The following EXOC4 variants were observed in gnomAD, a reference collection of about 807,000 sequenced individuals.
EXOC4 encodes the protein SEC8-like 1.
EXOC4 carries 71 observed loss-of-function variants against 107.2 expected under a neutral mutation model. The ratio of observed to expected loss-of-function variants is 0.66; its 90% confidence interval spans 0.55 to 0.81. EXOC4 has a LOEUF of 0.81. EXOC4 is among the 30% of genes least tolerant of loss of function. EXOC4 has a pLI of 0.00. For missense variants in EXOC4, 1,108 were observed against 1,189.6 expected (o/e 0.93, Z 1.01); for synonymous variants, 456 against 441.2 (o/e 1.03, Z -0.42).
At chr7:134,007,124 C>A (rs1794660738) in intron 16 of EXOC4, among the ~76,000 whole-genome samples, 1 of 152,148 alleles carries the variant, frequency 6.6e-6, no homozygotes, top group Non-Finnish European at 1.5e-5. Flanking sequence ...TTGCCAATAA[C>A]CCAATTTCTT....
chr7:133,638,503 A>C (rs1802767669), intron 10 of EXOC4, among the ~76,000 whole-genome samples: 1 of 152,114 alleles, frequency 6.6e-6, no homozygotes, highest in Admixed American at 6.6e-5. Context: ...AGTATAGTTG[A>C]CTTCTGTGTC....
intron 2 of EXOC4, among the ~76,000 whole-genome samples, chr7:133,283,451 A>G (rs1174808308): frequency 6.6e-6 from 1 of 152,182 alleles, no homozygotes; most frequent in African/African-American, 2.4e-5. Context: ...TCGTCTGTTG[A>G]TGGACACTTA....
At chr7:133,325,021 T>C (rs890616411) in intron 5 of EXOC4, among the ~76,000 whole-genome samples, 32 of 152,232 alleles carry the variant, frequency 2.1e-4, no homozygotes, top group African/African-American at 7.5e-4. Flanking sequence ...TATCAGAGAC[T>C]AGGATTGCAA....
intron 9 of EXOC4, among the ~76,000 whole-genome samples, chr7:133,587,025 G>T (rs991862192): frequency 9.9e-5 from 15 of 151,782 alleles, no homozygotes; most frequent in African/African-American, 3.4e-4. Context: ...GTAGAGACAG[G>T]ATTTCATCAT....
chr7:133,569,629 T>C (rs1800977079), intron 9 of EXOC4, among the ~76,000 whole-genome samples: 1 of 152,164 alleles, frequency 6.6e-6, no homozygotes, highest in African/African-American at 2.4e-5. Flanking sequence ...ATATTTCAAA[T>C]GTATATACGT....
chr7:133,952,752 G>T (rs1460668165), intron 14 of EXOC4, among the ~76,000 whole-genome samples: 2 of 152,278 alleles, frequency 1.3e-5, no homozygotes, highest in East Asian at 1.9e-4. Flanking sequence ...AGTATTTGTT[G>T]TTTTGTGACT....
At chr7:133,993,868 ACT>A (rs1794316862) in intron 14 of EXOC4, among the ~76,000 whole-genome samples, 1 of 152,112 alleles carries the variant, frequency 6.6e-6, no homozygotes, top group South Asian at 2.1e-4. Context: ...GCCACAAAAG[ACT>A]CTACTTAGGG....
intron 2 of EXOC4, among the ~76,000 whole-genome samples, chr7:133,285,024 T>C (rs1794243145): frequency 6.6e-6 from 1 of 152,154 alleles, no homozygotes; most frequent in Admixed American, 6.5e-5. Context: ...TTGAATGTTA[T>C]ATATTAACTT....
At chr7:133,844,812 C>G (rs540797708) in intron 11 of EXOC4, among the ~76,000 whole-genome samples, 5 of 151,976 alleles carry the variant, frequency 3.3e-5, no homozygotes, top group African/African-American at 1.2e-4. Context: ...GTGTTTGTAA[C>G]CAAGCTTAGA....
intron 7 of EXOC4, among the ~76,000 whole-genome samples, chr7:133,444,168 C>T (rs951983042): frequency 2.0e-5 from 3 of 152,084 alleles, no homozygotes; most frequent in Non-Finnish European, 4.4e-5. Flanking sequence ...ATAAAGTCAG[C>T]CTAGCTGACC....
chr7:133,677,536 GT>G (rs1377936163), intron 10 of EXOC4, among the ~76,000 whole-genome samples: 2 of 152,156 alleles, frequency 1.3e-5, no homozygotes, highest in African/African-American at 4.8e-5. Context: ...ACAAGCTTGT[GT>G]CTTAAAGTTT....
At chr7:133,999,440 ATC>A (rs2116297505) in intron 15 of EXOC4, among the ~76,000 whole-genome samples, 1 of 152,206 alleles carries the variant, frequency 6.6e-6, no homozygotes, top group South Asian at 2.1e-4. Flanking sequence ...CAGATTTAGA[ATC>A]TGTGTTACGT....
intron 9 of EXOC4, among the ~76,000 whole-genome samples, chr7:133,629,826 A>T (rs1160032181): frequency 6.6e-6 from 1 of 151,954 alleles, no homozygotes; most frequent in Non-Finnish European, 1.5e-5. Flanking sequence ...CACAGCTGTG[A>T]GCCACCGTGC....
intron 9 of EXOC4, chr7:133,481,063 A>AAC (rs1799145103): frequency 6.6e-6 from 1 of 151,478 alleles, no homozygotes; most frequent in East Asian, 1.9e-4. Context: ...AAAAGAAAAA[A>AAC]AAAAAAACAA....
chr7:134,003,458 A>G (rs1356769706), intron 15 of EXOC4, among the ~76,000 whole-genome samples: 1 of 152,194 alleles, frequency 6.6e-6, no homozygotes, highest in African/African-American at 2.4e-5. Flanking sequence ...TTATTTCTCA[A>G]TAAACCTGAC....
chr7:133,932,815 C>G (rs183416844), intron 13 of EXOC4, among the ~76,000 whole-genome samples: 3 of 152,190 alleles, frequency 2.0e-5, no homozygotes, highest in Admixed American at 1.3e-4. Flanking sequence ...GGGGAACTGA[C>G]TTTGCAGGCA....
chr7:133,985,217 C>G (rs1363823806), intron 14 of EXOC4, among the ~76,000 whole-genome samples: 1 of 152,164 alleles, frequency 6.6e-6, no homozygotes, highest in African/African-American at 2.4e-5. Context: ...AACACATGAT[C>G]ATGTAAATAA....
chr7:133,715,098 G>C (rs994421129), intron 10 of EXOC4, among the ~76,000 whole-genome samples: 3 of 152,144 alleles, frequency 2.0e-5, no homozygotes, highest in Non-Finnish European at 4.4e-5. Flanking sequence ...AAATAAAGGA[G>C]GCTAGACAGC....
intron 5 of EXOC4, among the ~76,000 whole-genome samples, chr7:133,332,780 A>G (rs991054789): frequency 7.9e-5 from 12 of 152,160 alleles, no homozygotes; most frequent in African/African-American, 2.9e-4. Flanking sequence ...CTATCATATA[A>G]CTTGAATGGT....
Sources: gnomAD v4.1 joint callset for allele counts (sites outside exome capture counted in the v4.1 genomes callset) on GRCh38, gnomAD v4.1.1 for gene constraint, MANE v1.5 for transcripts, NCBI Gene and HGNC (gene_info 2026-07-23, HGNC 2026-07-21) for gene names.